The following C9orf43 variants were observed in gnomAD, a reference collection of about 807,000 sequenced individuals.
C9orf43 encodes the protein uncharacterized protein C9orf43.
A neutral mutation model predicts 59.1 loss-of-function variants in C9orf43; 45 were observed. The ratio of observed to expected loss-of-function variants is 0.76; its 90% confidence interval spans 0.60 to 0.98. The LOEUF (loss-of-function observed/expected upper bound fraction) is 0.98, where lower values mean the gene tolerates loss of function less well. C9orf43 is among the 50% of genes least tolerant of loss of function. C9orf43 has a pLI of 0.00. For synonymous variants in C9orf43, 203 were observed against 196.8 expected (o/e 1.03, Z -0.26); for missense variants, 533 against 554.9 (o/e 0.96, Z 0.40).
chr9:113,426,445 G>T (rs7870912), intron 11 of C9orf43, among the ~76,000 whole-genome samples: 28,658 of 152,150 alleles, frequency 0.19, 2,820 homozygotes, highest in African/African-American at 0.22. Context: ...CGTTGTGCCC[G>T]TCTCAGACTG....
chr9:113,411,273 A>G (rs968522970), intron 1 of C9orf43: 1 of 313,282 alleles, frequency 3.2e-6, no homozygotes. Flanking sequence ...TCCAGTTAAA[A>G]CCATTCTCAA....
intron 6 of C9orf43, 32 bp from the exon 7 acceptor site, chr9:113,423,294 T>G (rs1828655112): frequency 6.2e-7 from 1 of 1,606,858 alleles, no homozygotes; most frequent in Non-Finnish European, 8.5e-7. Flanking sequence ...AAAGAATGCT[T>G]TGGAGAATTC....
At position 113,423,497 on chromosome 9, in the gene C9orf43, G is replaced by T. The variant is rs200549177; in HGVS notation, c.655G>T (p.Glu219Ter). 72 of 1,612,050 alleles carry T rather than the reference G, an allele frequency of 4.5e-5. 1 individual carries two copies. The African/African-American group carries it at 8.0e-4, about 18-fold the overall frequency. ...AGCGTTACCTCAGGATCTACTGAAG[G>T]AGTAAGTATCATGTAGGTCTGTGGG... ...SEALPQDLLK[E>*]LLPGGKQTML... The change falls in exon 7 of 14, where the codon GAA becomes TAA. Residue 219 changes from glutamate (E) to a stop codon, truncating the protein, a stop_gained and splice_region_variant. Coordinates refer to ENST00000374165, the MANE Select transcript of C9orf43 (RefSeq NM_001278629.2). LOFTEE classifies it high-confidence loss of function.
chr9:113,414,873 A>G (rs1295942228), intron 3 of C9orf43, among the ~76,000 whole-genome samples: 1 of 152,016 alleles, frequency 6.6e-6, no homozygotes, highest in Non-Finnish European at 1.5e-5. Flanking sequence ...TTTGAGACAG[A>G]GTCTCACTCT....
chr9:113,425,101 C>A, intron 9 of C9orf43, 25 bp downstream of exon 9: 1 of 1,605,708 alleles, frequency 6.2e-7, no homozygotes, highest in Non-Finnish European at 8.5e-7. Flanking sequence ...GCTGCTGGAT[C>A]TCTAAGCACC....
chr9:113,422,106 A>G (rs1407975297), intron 5 of C9orf43, among the ~76,000 whole-genome samples: 1 of 152,206 alleles, frequency 6.6e-6, no homozygotes, highest in Admixed American at 6.5e-5. Flanking sequence ...GGAAGAGGTC[A>G]GAGCAAAAAA....
At chr9:113,414,953 T>A (rs1828305858) in intron 3 of C9orf43, among the ~76,000 whole-genome samples, 1 of 152,170 alleles carries the variant, frequency 6.6e-6, no homozygotes. Flanking sequence ...TGCCTCAGCC[T>A]CCCGAGTATC....
intron 1 of C9orf43, among the ~76,000 whole-genome samples, chr9:113,412,730 C>T (rs926673601): frequency 6.6e-6 from 1 of 152,222 alleles, no homozygotes; most frequent in Non-Finnish European, 1.5e-5. Flanking sequence ...TACCAAAGTG[C>T]TGTGGTTACA....
intron 1 of C9orf43, among the ~76,000 whole-genome samples, chr9:113,411,901 C>T (rs1406790022): frequency 2.0e-5 from 3 of 152,120 alleles, no homozygotes; most frequent in African/African-American, 4.8e-5. Flanking sequence ...TGGTCTCGAA[C>T]TCCAGGGCTC....
In C9orf43 at chr9:113,423,401, C is replaced by T; in HGVS notation, c.559C>T (p.Pro187Ser). 1 of 1,614,042 alleles carries T rather than the reference C, an allele frequency of 6.2e-7. No homozygotes were observed. Among genetic ancestry groups the T allele is most frequent in the South Asian group, 1.1e-5 (1 of 91,074 alleles). The stretch of plus-strand genomic sequence containing the variant: ...AGTAGGAACACCAGGGATGATCGTG[C>T]CTCCCCCAACCCCAGTGCAATTGTC... The part of the protein sequence containing the change: ...TRVGTPGMIV[P>S]PPTPVQLSEQ... The change falls in exon 7 of 14, where the codon CCT (proline) becomes TCT (serine). Residue 187 changes from proline (P) to serine (S), a missense_variant. Transcript: ENST00000374165.
chr9:113,417,417 C>A (rs774597446), intron 3 of C9orf43, among the ~76,000 whole-genome samples: 7 of 152,334 alleles, frequency 4.6e-5, no homozygotes, highest in African/African-American at 7.2e-5. Flanking sequence ...CAATTCACAA[C>A]TGTATTTTAG....
At chr9:113,420,792 A>T (rs1473915939) in intron 4 of C9orf43, 1 of 985,210 alleles carries the variant, frequency 1.0e-6, no homozygotes, top group Non-Finnish European at 1.2e-6. Context: ...TGGGCAGGAT[A>T]AGTAATGTTC....
intron 6 of C9orf43, among the ~76,000 whole-genome samples, 183 bp downstream of exon 6, chr9:113,422,768 G>T (rs1160002623): frequency 2.6e-5 from 4 of 151,806 alleles, no homozygotes; most frequent in Non-Finnish European, 4.4e-5. Flanking sequence ...CCTTTTTTCT[G>T]TCTCCTTCCT....
At chr9:113,427,785 G>A (rs1288392419) in intron 11 of C9orf43, among the ~76,000 whole-genome samples, 1 of 152,228 alleles carries the variant, frequency 6.6e-6, no homozygotes, top group African/African-American at 2.4e-5. Flanking sequence ...CATAAAACTA[G>A]AGGTTTTTGT....
In C9orf43 at chr9:113,422,573, G is replaced by A; in HGVS notation, c.471G>A (p.Lys157=). 6.2e-7 allele frequency: 1 copy of A among 1,613,966 alleles called. No individual in the cohort carries two copies. Among genetic ancestry groups the A allele is most frequent in the Non-Finnish European group, 8.5e-7 (1 of 1,179,936 alleles). Reference sequence around the variant, plus strand: ...GCCAGCATGGGAAGAAGAAAAGAAAGAACTCGGCAGTGGTGAGTTTGATGT... The same window carrying A: ...GCCAGCATGGGAAGAAGAAAAGAAAAAACTCGGCAGTGGTGAGTTTGATGT... ...HVSQHGKKKR[K]NSAVKSKSFL... The change falls in exon 6 of 14, where the codon AAG becomes AAA. Residue 157 remains lysine, a synonymous_variant. Transcript: ENST00000374165.
chr9:113,417,558 G>A (rs1564402373), intron 3 of C9orf43, among the ~76,000 whole-genome samples: 2 of 152,190 alleles, frequency 1.3e-5, no homozygotes, highest in South Asian at 2.1e-4. Context: ...TGAGAGGACC[G>A]CCCCCTGGTG....
At chr9:113,416,097 G>A (rs184349334) in intron 3 of C9orf43, among the ~76,000 whole-genome samples, 1 of 152,302 alleles carries the variant, frequency 6.6e-6, no homozygotes, top group East Asian at 1.9e-4. Context: ...TCTTCCTTCA[G>A]TGTGTCTTGC....
At chr9:113,429,017 G>A in intron 13 of C9orf43, 54 bp downstream of exon 13, 1 of 1,553,222 alleles carries the variant, frequency 6.4e-7, no homozygotes, top group Admixed American at 1.7e-5. Context: ...AGGGAGAGTT[G>A]AACCTGTGTT....
At chr9:113,427,097 G>A (rs1358484520) in intron 11 of C9orf43, among the ~76,000 whole-genome samples, 1 of 152,192 alleles carries the variant, frequency 6.6e-6, no homozygotes, top group African/African-American at 2.4e-5. Flanking sequence ...GGACTGCTAA[G>A]TCTTTTGACC....
Sources: allele counts gnomAD v4.1 joint callset (sites outside exome capture counted in the v4.1 genomes callset), GRCh38; gene constraint gnomAD v4.1.1; transcripts MANE v1.5; gene names NCBI Gene and HGNC (gene_info 2026-07-23, HGNC 2026-07-21).